Variants in ABL1 observed in about 807,000 individuals in gnomAD.
The protein encoded by ABL1 is ABL proto-oncogene 1, non-receptor tyrosine kinase.
Under a neutral mutation model 94.7 loss-of-function variants are expected in ABL1, and 11 were observed. The observed-to-expected ratio is 0.12, with a 90% CI of 0.07 to 0.19. The LOEUF (loss-of-function observed/expected upper bound fraction) is 0.19. Ranked by LOEUF, ABL1 falls within the 10% of genes least tolerant of loss-of-function variation. ABL1 has a pLI of 1.00. For synonymous variants in ABL1, 656 were observed against 622.4 expected, an observed-to-expected ratio of 1.05 and a Z score of -0.80; for missense variants, 1,082 against 1,489.4, an observed-to-expected ratio of 0.73 and a Z score of 4.50.
chr9:130,836,824 C>CAAAAAAAAAA (rs565723193), intron 1 of ABL1, among the ~76,000 whole-genome samples: 4 of 77,214 alleles, frequency 5.2e-5, no homozygotes, highest in African/African-American at 1.5e-4. Context: ...GACTCGGTCT[C>CAAAAAAAAAA]AAAAAAAAAA....
chr9:130,785,532 T>C (rs1370229846), intron 1 of ABL1, among the ~76,000 whole-genome samples: 6 of 152,138 alleles, frequency 3.9e-5, no homozygotes, highest in African/African-American at 1.2e-4. Flanking sequence ...CCTGCCCTTT[T>C]TAAGACACAT....
At chr9:130,792,097 C>G (rs1388348648) in intron 1 of ABL1, among the ~76,000 whole-genome samples, 1 of 152,022 alleles carries the variant, frequency 6.6e-6, no homozygotes, top group Non-Finnish European at 1.5e-5. Flanking sequence ...AGACAGGATG[C>G]AAGAAAGAAA....
chr9:130,880,231 G>A lies in ABL1; in HGVS notation c.1513+74G>A, dbSNP rs1035936223. The A allele has an allele frequency of 7.5e-6, 11 of 1,474,882 alleles. No individual in the cohort carries two copies. Among genetic ancestry groups the A allele is most frequent in the Middle Eastern group, 1.8e-4 (1 of 5,548 alleles). The allele number at this position is 1,474,882 out of a possible 1,614,324, so 91.4% of individuals were successfully genotyped here. A position where few individuals can be genotyped will look rare whatever the true frequency, so the allele number is the denominator to read the frequency against. Reference sequence around the variant, plus strand: ...TGTGGGACTGCAGCCTGGGTCATTCGGTTCACTTCCTGGTGAAAGTTCACA... The same window carrying A: ...TGTGGGACTGCAGCCTGGGTCATTCAGTTCACTTCCTGGTGAAAGTTCACA... On this transcript the variant is annotated intron_variant, in intron 9 of 10. Coordinates refer to ENST00000318560, the MANE Select transcript of ABL1 (RefSeq NM_005157.6). The surrounding 1 kb of genome is among the most constrained non-coding windows in gnomAD (Gnocchi z 4.4).
intron 1 of ABL1, among the ~76,000 whole-genome samples, chr9:130,768,147 C>T (rs1446819196): frequency 6.6e-6 from 1 of 152,198 alleles, no homozygotes; most frequent in African/African-American, 2.4e-5. Context: ...CCCCAACCCC[C>T]ATACACTCCT....
intron 1 of ABL1, among the ~76,000 whole-genome samples, chr9:130,733,540 T>C (rs1831692918): frequency 6.6e-6 from 1 of 151,134 alleles, no homozygotes. Flanking sequence ...TAGCTGTGAG[T>C]ACAGGCGTGC....
At chr9:130,857,300 T>C (rs1830989664) in intron 3 of ABL1, among the ~76,000 whole-genome samples, 1 of 152,172 alleles carries the variant, frequency 6.6e-6, no homozygotes, top group Non-Finnish European at 1.5e-5. Flanking sequence ...CCACAAACAA[T>C]CCATGAAAGG....
At chr9:130,836,300 A>G (rs556570174) in intron 1 of ABL1, among the ~76,000 whole-genome samples, 36 of 152,190 alleles carry the variant, frequency 2.4e-4, no homozygotes, top group African/African-American at 8.7e-4. Flanking sequence ...TTCTCTAATT[A>G]CATCTGTTTT....
intron 1 of ABL1, among the ~76,000 whole-genome samples, chr9:130,783,002 G>A (rs1277137964): frequency 2.6e-5 from 4 of 152,044 alleles, no homozygotes; most frequent in Non-Finnish European, 5.9e-5. Flanking sequence ...ATATACTCAC[G>A]ATAGCCAAGA....
chr9:130,797,337 A>G (rs1829993043), intron 1 of ABL1, among the ~76,000 whole-genome samples: 1 of 149,300 alleles, frequency 6.7e-6, no homozygotes, highest in Non-Finnish European at 1.5e-5. Context: ...AACTTAGCTT[A>G]TAATTAATTA....
At chr9:130,741,667 A>G (rs1024766441) in intron 1 of ABL1, among the ~76,000 whole-genome samples, 4 of 152,062 alleles carry the variant, frequency 2.6e-5, no homozygotes, top group Non-Finnish European at 5.9e-5. Flanking sequence ...TGCTGGAGTA[A>G]CAGTTACCAC....
Position 130,884,091 on chromosome 9 carries a change from A to G in ABL1, c.1801A>G (p.Ser601Gly). The G allele has an allele frequency of 6.2e-7, 1 of 1,613,868 alleles. No homozygotes were observed. ...LPKDKKTNLF[S>G]ALIKKKKKTA... ...CAAAGACAAAAAGACCAACTTGTTC[A>G]GCGCCTTGATCAAGAAGAAGAAGAA... Residue 601 changes from serine to glycine, a missense_variant, in exon 11 of 11, where the codon AGC becomes GGC. Physicochemically the swap from Ser to Gly is moderately conservative, Grantham distance 56. Transcript: ENST00000318560. The surrounding 1 kb of genome is among the most constrained non-coding windows in gnomAD (Gnocchi z 5.6).
chr9:130,769,554 G>A (rs191727196), intron 1 of ABL1, among the ~76,000 whole-genome samples: 336 of 151,974 alleles, frequency 2.2e-3, no homozygotes, highest in Non-Finnish European at 1.8e-3. Context: ...GGCCAGGCTG[G>A]TCTCAAACTC....
At chr9:130,725,608 G>T (rs1341902153) in intron 1 of ABL1, among the ~76,000 whole-genome samples, 1 of 151,928 alleles carries the variant, frequency 6.6e-6, no homozygotes, top group African/African-American at 2.4e-5. Flanking sequence ...TCGAACTCCT[G>T]ACCTCAGGTG....
chr9:130,811,147 C>T (rs964438533), intron 1 of ABL1, among the ~76,000 whole-genome samples: 7 of 151,312 alleles, frequency 4.6e-5, no homozygotes, highest in African/African-American at 1.5e-4. Context: ...ATATGCAGTA[C>T]AAGAAATATC....
At chr9:130,876,863 A>C (rs1588278975) in intron 7 of ABL1, among the ~76,000 whole-genome samples, 2 of 144,138 alleles carry the variant, frequency 1.4e-5, no homozygotes, top group African/African-American at 5.4e-5. Context: ...CAGCCTCCCG[A>C]GTAGCTGAGA....
intron 1 of ABL1, among the ~76,000 whole-genome samples, chr9:130,746,617 C>T (rs1406073786): frequency 6.6e-6 from 1 of 151,490 alleles, no homozygotes; most frequent in Non-Finnish European, 1.5e-5. Context: ...CAGTTTGTTC[C>T]TTTTCATTGC....
intron 1 of ABL1, among the ~76,000 whole-genome samples, chr9:130,755,421 C>T (rs1449953692): frequency 6.6e-6 from 1 of 152,114 alleles, no homozygotes; most frequent in Non-Finnish European, 1.5e-5. Context: ...CTTTGCTTGT[C>T]GACCTGCTTC....
intron 1 of ABL1, among the ~76,000 whole-genome samples, chr9:130,823,613 C>T (rs987581368): frequency 6.6e-6 from 1 of 152,136 alleles, no homozygotes; most frequent in Non-Finnish European, 1.5e-5. Flanking sequence ...GCTGCCATGG[C>T]CCCTCACAGG....
intron 4 of ABL1, among the ~76,000 whole-genome samples, chr9:130,865,746 CAAAAAAAAA>C (rs36055589): frequency 3.2e-5 from 2 of 61,688 alleles, no homozygotes; most frequent in African/African-American, 1.1e-4. Context: ...ACCCTGTCTC[CAAAAAAAAA>C]AAAAAAAAAA....
Sources: gnomAD v4.1 joint callset for allele counts (sites outside exome capture counted in the v4.1 genomes callset) on GRCh38, gnomAD v4.1.1 for gene constraint, Gnocchi (gnomAD v3.1) non-coding constraint, MANE v1.5 for transcripts, NCBI Gene and HGNC (gene_info 2026-07-23, HGNC 2026-07-21) for gene names.